Variants in PRDM1 observed in about 807,000 individuals in gnomAD.
PRDM1 encodes PR/SET domain 1, also known as PR domain zinc finger protein 1.
A neutral mutation model predicts 62.8 loss-of-function variants in PRDM1; 13 were observed. The observed-to-expected ratio is 0.21, with a 90% CI of 0.13 to 0.33. The LOEUF is 0.33. Among genes scored for constraint, PRDM1 ranks in the 10% least tolerant of loss-of-function variants. The probability of loss-of-function intolerance (pLI) is 1.00; values close to 1 mark genes in which losing one functional copy is unlikely to be tolerated. For synonymous variants in PRDM1, 396 were observed against 417.6 expected (o/e 0.95, Z 0.63); for missense variants, 895 against 1,058.8 (o/e 0.85, Z 2.15).
At chr6:106,054,821 G>C (rs1253381343) in intron 1 of PRDM1, among the ~76,000 whole-genome samples, 2 of 152,090 alleles carry the variant, frequency 1.3e-5, no homozygotes, top group Admixed American at 1.3e-4. Context: ...GCCATAAAAG[G>C]TATATATTTC....
At position 106,097,287 on chromosome 6, in the gene PRDM1, T is replaced by A. The variant is rs149944463; in HGVS notation, c.411+1553T>A. Among the ~76,000 whole-genome samples, 135 of 152,362 alleles carry A rather than the reference T, an allele frequency of 8.9e-4. 1 individual carries two copies. Among genetic ancestry groups the A allele is most frequent in the African/African-American group, 3.0e-3 (126 of 41,588 alleles). ...TTAAGACAATCCAGCATAAGTCTCATTAATGTGTGATTATTTTGAGAAAAG... is the reference window on the plus strand; with the variant it reads ...TTAAGACAATCCAGCATAAGTCTCAATAATGTGTGATTATTTTGAGAAAAG... On this transcript the variant is annotated intron_variant, in intron 3 of 6. Coordinates refer to ENST00000369096, the MANE Select transcript of PRDM1 (RefSeq NM_001198.4).
At chr6:106,053,874 C>T (rs1300324777) in intron 1 of PRDM1, among the ~76,000 whole-genome samples, 1 of 136,998 alleles carries the variant, frequency 7.3e-6, no homozygotes, top group Non-Finnish European at 1.6e-5. Flanking sequence ...GTAGAAAGTT[C>T]ATGCCTTAGA....
intron 1 of PRDM1, among the ~76,000 whole-genome samples, chr6:106,077,192 G>T (rs549292481): frequency 1.3e-5 from 2 of 152,170 alleles, no homozygotes; most frequent in Non-Finnish European, 2.9e-5. Flanking sequence ...TACATTCAGA[G>T]CCCACTACAG....
intron 1 of PRDM1, among the ~76,000 whole-genome samples, chr6:106,052,916 G>A (rs1015157345): frequency 2.0e-5 from 3 of 151,794 alleles, no homozygotes; most frequent in East Asian, 3.9e-4. Context: ...GCAGTGAGCT[G>A]AGATCACGCC....
chr6:106,018,369 T>A (rs1465575113), intron 1 of PRDM1, among the ~76,000 whole-genome samples: 1 of 152,240 alleles, frequency 6.6e-6, no homozygotes, highest in Non-Finnish European at 1.5e-5. Flanking sequence ...ACACTCAATT[T>A]CCCATGTTAT....
In PRDM1 at chr6:106,099,664, T is replaced by G. The variant is rs535187052; in HGVS notation, c.664+112T>G. On this transcript the variant is annotated intron_variant, in intron 4 of 6. Coordinates refer to ENST00000369096, the MANE Select transcript of PRDM1 (RefSeq NM_001198.4). ...CGGCTTTGTCATGTGTTGGATGAAG[T>G]AGGTGGCTTAAGCTAGGGACTAGGA... 2.6e-5 allele frequency: 37 copies of G among 1,438,490 alleles called. No homozygotes were observed. The South Asian group carries it at 4.4e-4, about 17-fold the overall frequency. 89.1% of individuals were successfully genotyped at this position (1,438,490 alleles called of 1,614,324 possible).
At chr6:106,013,906 C>A (rs1266656911) in intron 1 of PRDM1, among the ~76,000 whole-genome samples, 1 of 152,068 alleles carries the variant, frequency 6.6e-6, no homozygotes, top group Non-Finnish European at 1.5e-5. Context: ...TTTCCTGCTG[C>A]TCCTAACAAA....
chr6:106,082,592 C>T (rs1773711320), upstream of PRDM1, among the ~76,000 whole-genome samples: 1 of 152,086 alleles, frequency 6.6e-6, no homozygotes, highest in Non-Finnish European at 1.5e-5. Context: ...ACTCTGAGAC[C>T]TTGGACATCC....
chr6:106,098,144 G>A, intron 3 of PRDM1: 1 of 966,168 alleles, frequency 1.0e-6, no homozygotes, highest in Non-Finnish European at 1.2e-6. Context: ...GCTGTCCGGT[G>A]AGCACAAAAT....
At chr6:106,002,702 A>G (rs1424769693) in intron 1 of PRDM1, among the ~76,000 whole-genome samples, 1 of 152,224 alleles carries the variant, frequency 6.6e-6, no homozygotes, top group Non-Finnish European at 1.5e-5. Flanking sequence ...TTTGCCCACT[A>G]GAAGAAAAAA....
rs150839031 is a variant in PRDM1, at chr6:106,023,677, G to T, written c.-67+30038G>T. Among the ~76,000 whole-genome samples, 80 of 152,252 alleles carry T rather than the reference G, an allele frequency of 5.3e-4. 2 individuals carry two copies. In the East Asian group the frequency reaches 0.011, roughly 22 times the overall value. On this transcript the variant is annotated intron_variant, in intron 1 of 6. Coordinates refer to the PRDM1 transcript ENST00000652320. ...CCACACAACTTTCCTAGAAAATCCT[G>T]TCCTTTGGAACGGGGCTGGATACTG...
At chr6:106,086,320 G>A, upstream of PRDM1, 1 of 445,324 alleles carries the variant, frequency 2.2e-6, no homozygotes, top group Non-Finnish European at 4.0e-6. Flanking sequence ...AAGCAGGGAG[G>A]GGAAGCCAGA....
intron 1 of PRDM1, among the ~76,000 whole-genome samples, chr6:106,077,144 C>A (rs1398585330): frequency 2.6e-5 from 4 of 152,152 alleles, no homozygotes; most frequent in African/African-American, 9.7e-5. Context: ...TAAACAAAGG[C>A]TGAGCAGCAG....
intron 1 of PRDM1, among the ~76,000 whole-genome samples, chr6:106,010,726 C>T (rs962411793): frequency 1.3e-5 from 2 of 152,078 alleles, no homozygotes; most frequent in African/African-American, 2.4e-5. Flanking sequence ...AGCATGACAC[C>T]GTGGAGCCGT....
At chr6:106,015,765 TG>T (rs2114554261) in intron 1 of PRDM1, among the ~76,000 whole-genome samples, 1 of 152,322 alleles carries the variant, frequency 6.6e-6, no homozygotes, top group Admixed American at 6.5e-5. Context: ...TTGTCTGATT[TG>T]TTTTTTCCTT....
At chr6:106,009,995 G>A (rs1347242645) in intron 1 of PRDM1, among the ~76,000 whole-genome samples, 1 of 152,184 alleles carries the variant, frequency 6.6e-6, no homozygotes, top group African/African-American at 2.4e-5. Context: ...TGGGATTACA[G>A]ACGTGAGCCA....
intron 4 of PRDM1, among the ~76,000 whole-genome samples, chr6:106,103,432 A>T (rs1376420225): frequency 2.0e-5 from 3 of 152,144 alleles, no homozygotes; most frequent in Non-Finnish European, 4.4e-5. Context: ...CTTCAGCATG[A>T]TCCCCCAAAC....
At chr6:106,042,855 A>G (rs543680323) in intron 1 of PRDM1, among the ~76,000 whole-genome samples, 5 of 151,964 alleles carry the variant, frequency 3.3e-5, no homozygotes, top group Non-Finnish European at 7.4e-5. Flanking sequence ...CAAGGCTAAC[A>G]CATTTTGGGG....
At chr6:106,078,476 G>T (rs779936947) in intron 1 of PRDM1, among the ~76,000 whole-genome samples, 2 of 152,232 alleles carry the variant, frequency 1.3e-5, no homozygotes, top group Non-Finnish European at 2.9e-5. Flanking sequence ...AGAGACTGCT[G>T]CTTTTGATGG....
Sources: gnomAD v4.1 joint callset for allele counts (sites outside exome capture counted in the v4.1 genomes callset) on GRCh38, gnomAD v4.1.1 for gene constraint, MANE v1.5 for transcripts, NCBI Gene and HGNC (gene_info 2026-07-23, HGNC 2026-07-21) for gene names.